The following ANXA4 variants were observed in gnomAD, a reference collection of about 807,000 sequenced individuals.
ANXA4 encodes 35-beta calcimedin.
In ANXA4, 39 loss-of-function variants were observed where a neutral mutation model predicts 49.8. The observed-to-expected ratio is 0.78, with a 90% CI of 0.61 to 1.02. ANXA4 has a LOEUF of 1.02. Ranked by LOEUF, ANXA4 falls within the 50% of genes least tolerant of loss-of-function variation. ANXA4 has a pLI of 0.00. For missense variants in ANXA4, 360 were observed against 410.1 expected (o/e 0.88, Z 1.05); for synonymous variants, 134 against 152.5 (o/e 0.88, Z 0.89).
At chr2:69,710,083 G>C (rs149256484) in intron 2 of ANXA4, among the ~76,000 whole-genome samples, 3,152 of 149,878 alleles carry the variant, frequency 0.021, 108 homozygotes, top group African/African-American at 0.072. Flanking sequence ...CACCTTCCAG[G>C]TTCAAGCGAT....
intron 2 of ANXA4, among the ~76,000 whole-genome samples, chr2:69,662,992 C>CTT (rs746269236): frequency 0.052 from 6,418 of 123,096 alleles, 661 homozygotes; most frequent in East Asian, 0.33. Flanking sequence ...TTTTCTTTTT[C>CTT]TTTTTTTTTT....
At chr2:69,790,428 T>C (rs1463473631) in intron 3 of ANXA4, among the ~76,000 whole-genome samples, 2 of 152,072 alleles carry the variant, frequency 1.3e-5, no homozygotes, top group African/African-American at 2.4e-5. Flanking sequence ...ATCTGAAGCT[T>C]GATGGTTTCT....
At chr2:69,717,113 C>T (rs1248383035) in intron 2 of ANXA4, among the ~76,000 whole-genome samples, 3 of 152,176 alleles carry the variant, frequency 2.0e-5, no homozygotes, top group Admixed American at 2.0e-4. Context: ...CTTCAGTGGT[C>T]CTGGAAGGAG....
intron 8 of ANXA4, 154 bp from the exon 9 acceptor site, chr2:69,815,947 T>A (rs1673969930): frequency 1.6e-6 from 1 of 629,942 alleles, no homozygotes; most frequent in Non-Finnish European, 2.9e-6. Context: ...TGAGGAAGGA[T>A]CCTGAGTCAT....
At chr2:69,715,483 C>T (rs1239940128) in intron 2 of ANXA4, among the ~76,000 whole-genome samples, 1 of 152,200 alleles carries the variant, frequency 6.6e-6, no homozygotes, top group Non-Finnish European at 1.5e-5. Context: ...GCTGGGATTA[C>T]AGGCATAAGC....
chr2:69,708,766 T>C (rs1323489913), intron 2 of ANXA4, among the ~76,000 whole-genome samples: 1 of 152,006 alleles, frequency 6.6e-6, no homozygotes, highest in Non-Finnish European at 1.5e-5. Context: ...CTCGACTGCA[T>C]CTGCATCCCA....
chr2:69,757,264 ATATTT>A (rs1221938534), intron 1 of ANXA4, among the ~76,000 whole-genome samples: 4 of 28,012 alleles, frequency 1.4e-4, no homozygotes, highest in African/African-American at 3.4e-4. Context: ...ATATATATAT[ATATTT>A]TTTTTTTTTT....
Position 69,788,041 on chromosome 2 carries a change from CTT to C in ANXA4, c.10-12_10-11del. 1 of 1,611,936 alleles carries C rather than the reference CTT, an allele frequency of 6.2e-7. No homozygotes were observed. The highest frequency in any genetic ancestry group is 8.5e-7 in the Non-Finnish European group (1 of 1,178,158). ...GGCTGCCTCTCAGTAACATCACTCTCTTGTGTGCTCAGGCAACCAAAGGAGGT... is the reference window on the plus strand; with the variant it reads ...GGCTGCCTCTCAGTAACATCACTCTCGTGTGCTCAGGCAACCAAAGGAGGT... On this transcript the variant is annotated splice_polypyrimidine_tract_variant and intron_variant, in intron 2 of 12. Coordinates refer to ENST00000394295, the MANE Select transcript of ANXA4 (RefSeq NM_001153.5).
upstream of ANXA4, chr2:69,644,291 A>C (rs927535567): frequency 6.6e-6 from 1 of 151,736 alleles, no homozygotes; most frequent in East Asian, 2.0e-4. Flanking sequence ...CACCTGAAGG[A>C]CGCGGCTTAA....
chr2:69,781,499 TC>T lies in ANXA4; in HGVS notation c.-46-17del. On this transcript the variant is annotated intron_variant, in intron 1 of 12. Transcript: ENST00000394295. ...TGCCATTTCCTTCATCACAGTAATT[TC>T]CCCTCTGCTTTTATCACAGAAGAAC... 1 of 1,586,228 alleles carries T rather than the reference TC, an allele frequency of 6.3e-7. No homozygotes were observed. The highest frequency in any genetic ancestry group is 8.7e-7 in the Non-Finnish European group (1 of 1,155,290).
intron 2 of ANXA4, among the ~76,000 whole-genome samples, chr2:69,783,323 C>A (rs1178997101): frequency 6.6e-6 from 1 of 152,066 alleles, no homozygotes; most frequent in Non-Finnish European, 1.5e-5. Flanking sequence ...TTAAGCGGTT[C>A]CCCTGCCTCA....
intron 2 of ANXA4, among the ~76,000 whole-genome samples, chr2:69,656,992 A>T (rs1000242107): frequency 6.6e-6 from 1 of 150,976 alleles, no homozygotes; most frequent in Non-Finnish European, 1.5e-5. Context: ...TATAATCACT[A>T]TATTCATTTT....
chr2:69,799,519 G>A (rs1364846933), intron 3 of ANXA4, among the ~76,000 whole-genome samples: 2 of 152,134 alleles, frequency 1.3e-5, no homozygotes, highest in African/African-American at 4.8e-5. Flanking sequence ...AGCTATTTTT[G>A]AGCTGCTTTT....
At chr2:69,760,312 A>G (rs1671228613) in intron 1 of ANXA4, among the ~76,000 whole-genome samples, 2 of 152,326 alleles carry the variant, frequency 1.3e-5, no homozygotes, top group East Asian at 3.9e-4. Context: ...TTTTGAATAC[A>G]CATATGGTTT....
chr2:69,807,793 G>A (rs962673850), intron 5 of ANXA4, 113 bp from the exon 6 acceptor site: 38 of 840,322 alleles, frequency 4.5e-5, no homozygotes, highest in Middle Eastern at 2.2e-4. Flanking sequence ...TTGTTAGAAC[G>A]CAGTGGATTG....
At chr2:69,659,755 T>C (rs910974472) in intron 2 of ANXA4, among the ~76,000 whole-genome samples, 1 of 152,142 alleles carries the variant, frequency 6.6e-6, no homozygotes, top group African/African-American at 2.4e-5. Flanking sequence ...ACTTTAAATG[T>C]AGAGCTTTCG....
At chr2:69,762,618 A>G (rs1366511891) in intron 1 of ANXA4, among the ~76,000 whole-genome samples, 1 of 152,176 alleles carries the variant, frequency 6.6e-6, no homozygotes, top group Non-Finnish European at 1.5e-5. Context: ...TATTAAAAAT[A>G]TAACTCCTAG....
At chr2:69,761,476 G>A (rs542598989) in intron 1 of ANXA4, among the ~76,000 whole-genome samples, 11 of 151,918 alleles carry the variant, frequency 7.2e-5, no homozygotes, top group Non-Finnish European at 1.2e-4. Context: ...ATTTCACTTC[G>A]AAGTGAAAAG....
intron 2 of ANXA4, among the ~76,000 whole-genome samples, chr2:69,691,880 G>C (rs1188855476): frequency 2.0e-5 from 3 of 152,050 alleles, no homozygotes; most frequent in African/African-American, 7.2e-5. Flanking sequence ...CAGGTTTTTT[G>C]TTTTTTGTGT....
Sources: allele counts gnomAD v4.1 joint callset (sites outside exome capture counted in the v4.1 genomes callset), GRCh38; gene constraint gnomAD v4.1.1; transcripts MANE v1.5; gene names NCBI Gene and HGNC (gene_info 2026-07-23, HGNC 2026-07-21).